The following RELB variants were observed in gnomAD, a reference collection of about 807,000 sequenced individuals.
RELB encodes RELB proto-oncogene, NF-kB subunit.
A neutral mutation model predicts 55.4 loss-of-function variants in RELB; 14 were observed. The ratio of observed to expected loss-of-function variants is 0.25; its 90% CI spans 0.17 to 0.40. The LOEUF (loss-of-function observed/expected upper bound fraction) is 0.40. RELB is among the 10% of genes least tolerant of loss of function. The pLI, the probability that RELB is intolerant of heterozygous loss-of-function variation, is 1.00. For missense variants in RELB, 669 were observed against 830.7 expected, an observed-to-expected ratio of 0.81 and a Z score of 2.39; for synonymous variants, 409 against 371.3, an observed-to-expected ratio of 1.10 and a Z score of -1.17.
chr19:45,030,457 C>T (rs909048650), intron 8 of RELB, among the ~76,000 whole-genome samples: 8 of 152,114 alleles, frequency 5.3e-5, no homozygotes, highest in Admixed American at 2.6e-4. Flanking sequence ...CATGGTGAAA[C>T]CCTGTCTCTA....
intron 2 of RELB, among the ~76,000 whole-genome samples, chr19:45,009,141 C>G (rs559651821): frequency 3.3e-5 from 5 of 152,110 alleles, no homozygotes; most frequent in African/African-American, 1.2e-4. Context: ...AGTGCAGTGA[C>G]GCAATCTCAG....
chr19:45,032,882 T>C (rs1971642614), intron 9 of RELB, 133 bp downstream of exon 9: 1 of 755,024 alleles, frequency 1.3e-6, no homozygotes, highest in African/African-American at 1.7e-5. Context: ...GTTCAGATCC[T>C]GGCTCTGCTG....
chr19:45,008,457 G>A (rs760712492), intron 2 of RELB: 191 of 456,074 alleles, frequency 4.2e-4, no homozygotes, highest in Non-Finnish European at 7.2e-4. Context: ...TGGGTCCCCA[G>A]GTTCATCCAG....
chr19:45,005,937 C>G (rs548713702), intron 2 of RELB, among the ~76,000 whole-genome samples: 2 of 152,194 alleles, frequency 1.3e-5, no homozygotes, highest in South Asian at 4.1e-4. Flanking sequence ...AGACCTAGAT[C>G]TTTGGTTTCA....
At chr19:45,006,422 TC>T (rs1971282763) in intron 2 of RELB, among the ~76,000 whole-genome samples, 1 of 151,858 alleles carries the variant, frequency 6.6e-6, no homozygotes, top group Non-Finnish European at 1.5e-5. Context: ...CAGGCTTGTC[TC>T]AAAATCCTGA....
At chr19:45,034,362 G>T (rs1433665604) in intron 10 of RELB, 50 bp downstream of exon 10, 2 of 1,607,462 alleles carry the variant, frequency 1.2e-6, no homozygotes, top group Non-Finnish European at 1.7e-6. Flanking sequence ...TCTGGGGAGG[G>T]GACAGCTGAC....
chr19:45,004,216 C>T (rs1447670489), intron 2 of RELB, among the ~76,000 whole-genome samples: 1 of 148,960 alleles, frequency 6.7e-6, no homozygotes, highest in African/African-American at 2.5e-5. Context: ...CCTCGCCTGG[C>T]CAGACAGTGG....
intron 2 of RELB, among the ~76,000 whole-genome samples, chr19:45,005,695 C>T (rs1203394117): frequency 6.6e-6 from 1 of 152,198 alleles, no homozygotes; most frequent in Non-Finnish European, 1.5e-5. Flanking sequence ...CCTCCGCCTC[C>T]CAGGTTCAAG....
intron 2 of RELB, among the ~76,000 whole-genome samples, chr19:45,007,381 C>T (rs551438857): frequency 6.6e-6 from 1 of 152,256 alleles, no homozygotes; most frequent in Non-Finnish European, 1.5e-5. Context: ...GTGGTCAGAA[C>T]CTGCACTAAG....
At chr19:45,025,894 T>C (rs529835791) in intron 7 of RELB, among the ~76,000 whole-genome samples, 157 bp downstream of exon 7, 22 of 147,916 alleles carry the variant, frequency 1.5e-4, no homozygotes, top group African/African-American at 2.5e-5. Context: ...AGCCCAGGAG[T>C]TCAAGACCAG....
At chr19:45,009,619 A>T (rs1231795829) in intron 2 of RELB, among the ~76,000 whole-genome samples, 195 bp from the exon 3 acceptor site, 1 of 152,202 alleles carries the variant, frequency 6.6e-6, no homozygotes, top group Non-Finnish European at 1.5e-5. Flanking sequence ...AGAGGTTGAA[A>T]GGATGGTAGC....
chr19:45,017,935 G>A lies in RELB; in HGVS notation c.505-4118G>A, dbSNP rs183539395. On this transcript the variant is annotated intron_variant, in intron 4 of 11. Coordinates refer to ENST00000221452, the MANE Select transcript of RELB (RefSeq NM_006509.4). ...GCTGGGATTGCAGGCACGAACCACC[G>A]TGCCCAGCCCTTTTGATTAGTTTGG... Among the ~76,000 whole-genome samples, 613 of 149,742 alleles carry A rather than the reference G, an allele frequency of 4.1e-3. 4 individuals carry two copies. Among genetic ancestry groups the A allele is most frequent in the Middle Eastern group, 6.8e-3 (2 of 292 alleles).
At position 45,034,283 on chromosome 19, in the gene RELB, C is replaced by G. The variant is rs756253759; in HGVS notation, c.1247C>G (p.Pro416Arg). The G allele has an allele frequency of 1.2e-6, 2 of 1,613,880 alleles. No homozygotes were observed. Among genetic ancestry groups the G allele is most frequent in the Non-Finnish European group, 1.7e-6 (2 of 1,179,880 alleles). ...GACAAGAAGCGGAAACGGGGGATGC[C>G]CGACGTCCTTGGGGAGCTGAACAGC... ...GVDKKRKRGM[P>R]DVLGELNSSD... Residue 416 changes from proline (P) to arginine (R), a missense_variant, in exon 10 of 12, where the codon CCC (proline) becomes CGC (arginine). This residue lies in a region of RELB where 341 missense variants were observed against 436.8 expected (regional missense o/e 0.78). Transcript: ENST00000221452.
chr19:45,001,779 G>T, intron 1 of RELB, 94 bp downstream of exon 1: 1 of 735,844 alleles, frequency 1.4e-6, no homozygotes, highest in South Asian at 1.9e-5. Flanking sequence ...GTTCCTATGG[G>T]AGTCTAAGGG....
intron 7 of RELB, 78 bp from the exon 8 acceptor site, chr19:45,028,810 C>T: frequency 8.3e-7 from 1 of 1,210,952 alleles, no homozygotes; most frequent in East Asian, 2.6e-5. Context: ...ATGGCACCCA[C>T]TGGGTGCCCA....
At chr19:45,003,915 G>GGTTTTTTTTTTTTTTTTTTTTTTTT (rs1405162566) in intron 2 of RELB, among the ~76,000 whole-genome samples, 1 of 63,574 alleles carries the variant, frequency 1.6e-5, no homozygotes. Flanking sequence ...TGTTTTTTGT[G>GGTTTTTTTTTTTTTTTTTTTTTTTT]TTTTTTTTTT....
intron 5 of RELB, among the ~76,000 whole-genome samples, chr19:45,023,430 TTCCG>T (rs1212796946): frequency 1.9e-4 from 29 of 151,106 alleles, no homozygotes; most frequent in Non-Finnish European, 3.0e-4. Flanking sequence ...CCTTCCTTCC[TTCCG>T]TCCTTCTTTC....
At chr19:45,008,503 G>A (rs1568396963) in intron 2 of RELB, 1 of 456,260 alleles carries the variant, frequency 2.2e-6, no homozygotes, top group Non-Finnish European at 4.4e-6. Flanking sequence ...CAGTTCAAGT[G>A]ACTTGAGGTT....
At chr19:45,024,379 G>T (rs911079330) in intron 5 of RELB, among the ~76,000 whole-genome samples, 5 of 149,212 alleles carry the variant, frequency 3.4e-5, no homozygotes, top group Middle Eastern at 3.8e-3. Context: ...AGCCAAGGTG[G>T]TCTCGATCTC....
Sources: gnomAD v4.1 joint callset for allele counts (sites outside exome capture counted in the v4.1 genomes callset) on GRCh38, gnomAD v4.1.1 for gene constraint, gnomAD v4.1.1 regional missense constraint, MANE v1.5 for transcripts, NCBI Gene and HGNC (gene_info 2026-07-23, HGNC 2026-07-21) for gene names.